Variants in RANBP3 observed in about 807,000 individuals in gnomAD.
RANBP3 encodes ran-binding protein 3.
RANBP3 carries 14 observed loss-of-function variants against 77.3 expected under a neutral mutation model. The ratio of observed to expected loss-of-function variants is 0.18; its 90% CI spans 0.12 to 0.28. The LOEUF (loss-of-function observed/expected upper bound fraction) is 0.28, where lower values mean the gene tolerates loss of function less well. Ranked by LOEUF, RANBP3 falls within the 10% of genes least tolerant of loss-of-function variation. The probability of loss-of-function intolerance (pLI) is 1.00; values close to 1 mark genes in which losing one functional copy is unlikely to be tolerated. For missense variants in RANBP3, 586 were observed against 752.3 expected, an observed-to-expected ratio of 0.78 and a Z score of 2.59; for synonymous variants, 315 against 312.4, an observed-to-expected ratio of 1.01 and a Z score of -0.09.
chr19:5,958,728 C>T lies in RANBP3; in HGVS notation c.23-755G>A, dbSNP rs900084670. Among the ~76,000 whole-genome samples the T allele has an allele frequency of 2.3e-4, 35 of 152,360 alleles. No homozygotes were observed. The highest frequency in any genetic ancestry group is 7.7e-4 in the African/African-American group (32 of 41,584). On this transcript the variant is annotated intron_variant, in intron 1 of 16. Coordinates refer to ENST00000340578, the MANE Select transcript of RANBP3 (RefSeq NM_007322.3). The surrounding 1 kb of genome is among the most constrained non-coding windows in gnomAD (Gnocchi z 4.4). ...CAGGAAGCACAGATGAGGACTGCCT[C>T]GACCCCACGAGGAGGCGCAGACCAC...
Position 5,924,050 on chromosome 19 carries a change from C to T in RANBP3, c.997-136G>A. Reference sequence around the variant, plus strand: ...TGCCCACTCCCGGTGACACCCTGAACTGCCTGGGAGCTCCCCACGTGGTCC... The same window carrying T: ...TGCCCACTCCCGGTGACACCCTGAATTGCCTGGGAGCTCCCCACGTGGTCC... On this transcript the variant is annotated intron_variant, in intron 11 of 16. Coordinates refer to ENST00000340578, the MANE Select transcript of RANBP3 (RefSeq NM_007322.3). The surrounding 1 kb of genome is among the most constrained non-coding windows in gnomAD (Gnocchi z 4.7). 1 of 676,978 alleles carries T rather than the reference C, an allele frequency of 1.5e-6. No individual in the cohort carries two copies. The highest frequency in any genetic ancestry group is 2.5e-6 in the Non-Finnish European group (1 of 393,498). The allele number at this position is 676,978 out of a possible 1,614,324, so 41.9% of individuals were successfully genotyped here.
At chr19:5,925,889 T>TG in intron 9 of RANBP3, 152 bp from the exon 10 acceptor site, 2 of 583,922 alleles carry the variant, frequency 3.4e-6, no homozygotes, top group Non-Finnish European at 6.3e-6. Flanking sequence ...GTGCATGTGC[T>TG]GGGGGGCAGG....
intron 5 of RANBP3, among the ~76,000 whole-genome samples, chr19:5,940,517 C>A (rs938259695): frequency 9.2e-5 from 14 of 152,168 alleles, no homozygotes; most frequent in Admixed American, 4.6e-4. Context: ...AAGACGCGGC[C>A]ATGTCCAAAA....
At chr19:5,923,359 C>G (rs940889445) in intron 12 of RANBP3, 56 bp from the exon 13 acceptor site, 83 of 1,530,274 alleles carry the variant, frequency 5.4e-5, no homozygotes, top group Non-Finnish European at 7.1e-5. Context: ...GGAGAGCCAT[C>G]TCCCCTCATC....
At chr19:5,974,542 G>C (rs1393504507) in intron 1 of RANBP3, 3 of 152,154 alleles carry the variant, frequency 2.0e-5, no homozygotes, top group Non-Finnish European at 4.4e-5. Flanking sequence ...TGTCTGAGAG[G>C]AAAAGCACTC....
chr19:5,927,735 G>C (rs529054893), intron 9 of RANBP3, among the ~76,000 whole-genome samples: 4 of 152,314 alleles, frequency 2.6e-5, no homozygotes, highest in Admixed American at 1.3e-4. Context: ...ACCCTGACTT[G>C]AGAAGTCACT....
At chr19:5,933,332 C>A (rs1014867076) in intron 6 of RANBP3, 82 bp downstream of exon 6, 6 of 1,126,540 alleles carry the variant, frequency 5.3e-6, no homozygotes, top group Non-Finnish European at 7.6e-6. Context: ...CAGGCTGAGC[C>A]CGCGGTGCCC....
intron 3 of RANBP3, among the ~76,000 whole-genome samples, chr19:5,947,705 C>G (rs1439792696): frequency 2.6e-5 from 4 of 152,198 alleles, no homozygotes; most frequent in African/African-American, 7.2e-5. Flanking sequence ...TGGTCGGGAG[C>G]GAGCACTGTG....
chr19:5,930,777 C>G (rs2057978419), intron 8 of RANBP3, among the ~76,000 whole-genome samples: 1 of 152,130 alleles, frequency 6.6e-6, no homozygotes, highest in African/African-American at 2.4e-5. Flanking sequence ...CTATGTTGCC[C>G]AGGGTGGTTT....
At chr19:5,950,399 C>T (rs2058260832) in intron 3 of RANBP3, among the ~76,000 whole-genome samples, 1 of 152,342 alleles carries the variant, frequency 6.6e-6, no homozygotes, top group South Asian at 2.1e-4. Context: ...ACTGACTCCT[C>T]CAAAATGTTA....
Position 5,972,509 on chromosome 19 carries a change from T to C in RANBP3, c.22+5552A>G, listed in dbSNP as rs1158436907. On this transcript the variant is annotated intron_variant, in intron 1 of 16. Coordinates refer to ENST00000340578, the MANE Select transcript of RANBP3 (RefSeq NM_007322.3). ...ACATCACCACCAGACCCTGAATAGA[T>C]AATGATGCAAGCCCAACTGCCTCAC... Among the ~76,000 whole-genome samples, 5 of 152,114 alleles carry C rather than the reference T, an allele frequency of 3.3e-5. No homozygotes were observed. The East Asian group carries it at 5.8e-4, about 18-fold the overall frequency.
chr19:5,975,901 G>T (rs547562431), intron 1 of RANBP3, among the ~76,000 whole-genome samples: 44 of 152,048 alleles, frequency 2.9e-4, no homozygotes, highest in Admixed American at 3.9e-4. Flanking sequence ...GAAAAAGCCA[G>T]AGTAGTTAGC....
chr19:5,969,815 A>G (rs547675771), intron 1 of RANBP3, among the ~76,000 whole-genome samples: 1 of 152,386 alleles, frequency 6.6e-6, no homozygotes, highest in African/African-American at 2.4e-5. Flanking sequence ...ACCCTGGACC[A>G]GAGGCAGTGT....
At chr19:5,964,873 G>T (rs1394507934) in intron 1 of RANBP3, among the ~76,000 whole-genome samples, 1 of 140,494 alleles carries the variant, frequency 7.1e-6, no homozygotes, top group Non-Finnish European at 1.6e-5. Flanking sequence ...GTGGCACGGT[G>T]GGGGGTCACC....
intron 2 of RANBP3, among the ~76,000 whole-genome samples, chr19:5,956,006 G>GCTGC (rs1316369500): frequency 1.9e-4 from 29 of 152,252 alleles, no homozygotes; most frequent in Admixed American, 1.4e-3. Context: ...TACTCAGAAG[G>GCTGC]CTGAGGCGGG....
At chr19:5,947,435 C>T (rs1050926119) in intron 3 of RANBP3, among the ~76,000 whole-genome samples, 1 of 152,182 alleles carries the variant, frequency 6.6e-6, no homozygotes, top group East Asian at 1.9e-4. Flanking sequence ...ATAAGAGCCC[C>T]ATTTCCTCCT....
chr19:5,968,083 G>A (rs1490813647), intron 1 of RANBP3, among the ~76,000 whole-genome samples: 1 of 152,124 alleles, frequency 6.6e-6, no homozygotes, highest in South Asian at 2.1e-4. Context: ...AGCTTTAACG[G>A]CACTTTTCTG....
At chr19:5,971,139 A>T (rs549071814) in intron 1 of RANBP3, among the ~76,000 whole-genome samples, 2 of 152,320 alleles carry the variant, frequency 1.3e-5, no homozygotes, top group African/African-American at 4.8e-5. Flanking sequence ...TGTAGCTACT[A>T]CTGACACCAT....
chr19:5,977,426 T>C (rs915580483), intron 1 of RANBP3, among the ~76,000 whole-genome samples: 7 of 151,720 alleles, frequency 4.6e-5, no homozygotes, highest in Admixed American at 3.3e-4. Context: ...GCAGCCAGGG[T>C]TTTCGGCGGC....
Sources: allele counts gnomAD v4.1 joint callset (sites outside exome capture counted in the v4.1 genomes callset), GRCh38; gene constraint gnomAD v4.1.1; non-coding constraint Gnocchi (gnomAD v3.1); transcripts MANE v1.5; gene names NCBI Gene and HGNC (gene_info 2026-07-23, HGNC 2026-07-21).